CACNB2: variants seen among roughly 807,000 people sequenced by gnomAD.
The protein encoded by CACNB2 is calcium voltage-gated channel auxiliary subunit beta 2, also known as voltage-dependent L-type calcium channel subunit beta-2.
In CACNB2, 42 loss-of-function variants were observed where a neutral mutation model predicts 73.3. That is an observed-to-expected ratio of 0.57 (90% CI 0.45 to 0.74). CACNB2 has a LOEUF of 0.74. CACNB2 is among the 30% of genes least tolerant of loss of function. The pLI is 0.00. For synonymous variants in CACNB2, 348 were observed against 310.3 expected, an observed-to-expected ratio of 1.12 and a Z score of -1.28; for missense variants, 940 against 853.0, an observed-to-expected ratio of 1.10 and a Z score of -1.27.
intron 2 of CACNB2, among the ~76,000 whole-genome samples, chr10:18,214,956 A>C (rs1319895159): frequency 6.6e-6 from 1 of 152,212 alleles, no homozygotes; most frequent in Non-Finnish European, 1.5e-5. Flanking sequence ...TGTAATGCTT[A>C]TGCTCACGAT....
At chr10:18,535,568 C>T (rs560255718) in intron 11 of CACNB2, among the ~76,000 whole-genome samples, 11 of 151,910 alleles carry the variant, frequency 7.2e-5, no homozygotes, top group South Asian at 2.1e-4. Context: ...GTCAGGAGAT[C>T]GAGACCATCC....
At chr10:18,528,012 T>A (rs1031914229) in intron 10 of CACNB2, among the ~76,000 whole-genome samples, 1 of 152,212 alleles carries the variant, frequency 6.6e-6, no homozygotes, top group Non-Finnish European at 1.5e-5. Flanking sequence ...GCAAGTTTAT[T>A]AACCTTTTGA....
At position 18,536,268 on chromosome 10, in the gene CACNB2, TTTTTTGG is replaced by T. The variant is rs1225404272; in HGVS notation, c.1302+73_1302+79del. On this transcript the variant is annotated intron_variant, in intron 12 of 13. Transcript: ENST00000324631. ...CTTTTTTTTTTTTTTTTTTTTTTTT[TTTTTTGG>T]GGGACAAGGTCTTGCTCTGTTGCCC... is the stretch of plus-strand genomic sequence containing the variant. The T allele has an allele frequency of 3.9e-3, 1,528 of 389,648 alleles. 155 individuals are homozygous for T. The highest frequency in any genetic ancestry group is 5.4e-3 in the African/African-American group (155 of 28,518). 24.1% of individuals were successfully genotyped at this position (389,648 alleles called of 1,614,324 possible). A position where few individuals can be genotyped will look rare whatever the true frequency, so the allele number is the denominator to read the frequency against.
At position 18,402,055 on chromosome 10, in the gene CACNB2, T is replaced by G. The variant is rs1226723092; in HGVS notation, c.333+12T>G. ...TGGAAAAAGCAAAGGTAAAATCGTTTCCTCCCTGCCAAGATCTTTGCAAGT... is the reference window on the plus strand; with the variant it reads ...TGGAAAAAGCAAAGGTAAAATCGTTGCCTCCCTGCCAAGATCTTTGCAAGT... On this transcript the variant is annotated intron_variant, in intron 3 of 13. Coordinates refer to ENST00000324631, the MANE Select transcript of CACNB2 (RefSeq NM_201596.3). The G allele has an allele frequency of 6.2e-7, 1 of 1,612,816 alleles. No individual in the cohort carries two copies. Among genetic ancestry groups the G allele is most frequent in the Non-Finnish European group, 8.5e-7 (1 of 1,179,782 alleles).
chr10:18,499,765 C>G (rs1306379184), intron 4 of CACNB2, among the ~76,000 whole-genome samples: 1 of 145,878 alleles, frequency 6.9e-6, no homozygotes, highest in Non-Finnish European at 1.5e-5. Flanking sequence ...TCTCTTGAGC[C>G]CAGGAGACCA....
chr10:18,375,536 C>G (rs2042761917), intron 2 of CACNB2, among the ~76,000 whole-genome samples: 1 of 152,082 alleles, frequency 6.6e-6, no homozygotes, highest in Non-Finnish European at 1.5e-5. Flanking sequence ...CCTGAGTAGC[C>G]TCTTGTTCCT....
chr10:18,286,172 T>C (rs1053499462), intron 2 of CACNB2, among the ~76,000 whole-genome samples: 2 of 152,162 alleles, frequency 1.3e-5, no homozygotes, highest in African/African-American at 4.8e-5. Context: ...TGCAGCAAAG[T>C]TGATCCCACA....
chr10:18,408,116 T>C (rs2044394467), intron 3 of CACNB2, among the ~76,000 whole-genome samples: 1 of 152,020 alleles, frequency 6.6e-6, no homozygotes, highest in East Asian at 1.9e-4. Flanking sequence ...CTGTAGGAAG[T>C]GCAAGGACTA....
rs748910193 is a variant in CACNB2, at chr10:18,140,894, C to A, written c.120+38C>A. 6 of 1,567,182 alleles carry A rather than the reference C, an allele frequency of 3.8e-6. No homozygotes were observed. The African/African-American group carries it at 4.0e-5, about 11-fold the overall frequency. Reference sequence around the variant, plus strand: ...CGGCGCCTTCTCCTTCCTTTGTGAGCCGCCGGGCAGGGCACCGACCTCGGG... The same window carrying A: ...CGGCGCCTTCTCCTTCCTTTGTGAGACGCCGGGCAGGGCACCGACCTCGGG... On this transcript the variant is annotated intron_variant, in intron 1 of 13. Transcript: ENST00000324631.
At chr10:18,313,634 T>A (rs1250735381) in intron 2 of CACNB2, among the ~76,000 whole-genome samples, 1 of 152,176 alleles carries the variant, frequency 6.6e-6, no homozygotes, top group African/African-American at 2.4e-5. Flanking sequence ...GAGAATGTAA[T>A]TAAGATTAAA....
chr10:18,370,239 G>C (rs1352646027), intron 2 of CACNB2, among the ~76,000 whole-genome samples: 31 of 152,198 alleles, frequency 2.0e-4, no homozygotes, highest in Admixed American at 2.0e-3. Flanking sequence ...CCTGCACCAG[G>C]AGTGCCGGCA....
chr10:18,390,824 C>T (rs2043435283), intron 2 of CACNB2, among the ~76,000 whole-genome samples: 1 of 152,138 alleles, frequency 6.6e-6, no homozygotes, highest in East Asian at 1.9e-4. Context: ...AGAAAATTTG[C>T]AAGTGCATTC....
intron 2 of CACNB2, among the ~76,000 whole-genome samples, chr10:18,236,079 T>C (rs375736135): frequency 4.3e-4 from 66 of 152,304 alleles, no homozygotes; most frequent in African/African-American, 1.4e-3. Flanking sequence ...GTACAGCCTG[T>C]GGAACCGTGA....
rs182247286 is a variant in CACNB2, at chr10:18,529,717, A to C, written c.1054+2020A>C. Among the ~76,000 whole-genome samples, 90 of 152,376 alleles carry C rather than the reference A, an allele frequency of 5.9e-4. 1 individual carries two copies. The East Asian group carries it at 0.016, about 27-fold the overall frequency. On this transcript the variant is annotated intron_variant, in intron 10 of 13. Transcript: ENST00000324631. ...GACATGACAGAGAGAGGCAGGCATA[A>C]GACATGAAAAGGTTGGAGCTTATTT...
Position 18,506,556 on chromosome 10 carries a change from G to A in CACNB2, c.670+9G>A, listed in dbSNP as rs767064261. On this transcript the variant is annotated intron_variant, in intron 6 of 13. Coordinates refer to ENST00000324631, the MANE Select transcript of CACNB2 (RefSeq NM_201596.3). ...AACACCTCCATCATCTGGTAAGTAG[G>A]TGATAAATGCTGAATAATACATACT... 8 of 1,540,086 alleles carry A rather than the reference G, an allele frequency of 5.2e-6. No individual in the cohort carries two copies. In the Middle Eastern group the frequency reaches 1.0e-3, roughly 195 times the overall value.
chr10:18,243,694 C>T (rs2036749710), intron 2 of CACNB2, among the ~76,000 whole-genome samples: 1 of 152,198 alleles, frequency 6.6e-6, no homozygotes, highest in East Asian at 1.9e-4. Context: ...GAGTCTGGCT[C>T]CTCAATTTCT....
chr10:18,152,460 G>A (rs934582443), intron 2 of CACNB2, among the ~76,000 whole-genome samples: 5 of 152,080 alleles, frequency 3.3e-5, no homozygotes, highest in Non-Finnish European at 5.9e-5. Context: ...AGCTAGGAAG[G>A]CTGTCAGAGG....
chr10:18,284,178 A>C (rs971874914), intron 2 of CACNB2, among the ~76,000 whole-genome samples: 4 of 152,220 alleles, frequency 2.6e-5, no homozygotes, highest in Admixed American at 2.6e-4. Flanking sequence ...AAGAAGAGCA[A>C]AGTCACGTCT....
rs142650822 is a variant in CACNB2, at chr10:18,459,655, A to G, written c.334-38700A>G. 2.7e-4 allele frequency among the ~76,000 whole-genome samples: 41 copies of G among 152,308 alleles called. 1 individual carries two copies. In the East Asian group the frequency reaches 7.9e-3, roughly 29 times the overall value. ...TTATTGCTAACTAAAAAGATCCATA[A>G]TGTTCTAGATATGTTATGTAGTTAT... On this transcript the variant is annotated intron_variant, in intron 3 of 13. Transcript: ENST00000324631.
Sources: gnomAD v4.1 joint callset for allele counts (sites outside exome capture counted in the v4.1 genomes callset) on GRCh38, gnomAD v4.1.1 for gene constraint, MANE v1.5 for transcripts, NCBI Gene and HGNC (gene_info 2026-07-23, HGNC 2026-07-21) for gene names.